Variants in GLIS3 observed in about 807,000 individuals in gnomAD.
The protein encoded by GLIS3 is zinc finger protein GLIS3.
In GLIS3, 53 loss-of-function variants were observed where a neutral mutation model predicts 78.6. The observed-to-expected ratio is 0.67, with a 90% CI of 0.54 to 0.85. GLIS3 has a LOEUF of 0.85. Among genes scored for constraint, GLIS3 ranks in the 40% least tolerant of loss-of-function variants. The pLI, the probability that GLIS3 is intolerant of heterozygous loss-of-function variation, is 0.00. For missense variants in GLIS3, 1,703 were observed against 1,231.1 expected (o/e 1.38, Z -5.74); for synonymous variants, 684 against 509.9 (o/e 1.34, Z -4.60).
intron 6 of GLIS3, among the ~76,000 whole-genome samples, chr9:3,910,790 C>A (rs1411891427): frequency 6.6e-6 from 1 of 152,194 alleles, no homozygotes; most frequent in African/African-American, 2.4e-5. Context: ...ATCTTGGCTA[C>A]TTTGAGAACT....
chr9:4,047,136 C>G (rs1825316506), intron 4 of GLIS3, among the ~76,000 whole-genome samples: 1 of 152,172 alleles, frequency 6.6e-6, no homozygotes, highest in South Asian at 2.1e-4. Context: ...TTCCCCCATG[C>G]TGTTCTTGTG....
intron 4 of GLIS3, among the ~76,000 whole-genome samples, chr9:3,949,729 G>T (rs1461220351): frequency 6.6e-6 from 1 of 152,058 alleles, no homozygotes; most frequent in Non-Finnish European, 1.5e-5. Flanking sequence ...TGTCTTTTTT[G>T]GAAAAATAAT....
intron 2 of GLIS3, among the ~76,000 whole-genome samples, chr9:4,243,398 GCA>G (rs33922569): frequency 5.3e-5 from 8 of 150,898 alleles, no homozygotes; most frequent in Non-Finnish European, 1.2e-4. Context: ...ACACATACAC[GCA>G]CACACACACA....
At chr9:4,433,660 T>C in the GLIS3 span, among the ~76,000 whole-genome samples, 1 of 152,228 alleles carries the variant, frequency 6.6e-6, no homozygotes, top group Non-Finnish European at 1.5e-5. Context: ...TCTAGATCCC[T>C]AAAAAGAACT....
chr9:4,438,329 T>C, the GLIS3 span, among the ~76,000 whole-genome samples: 109 of 152,338 alleles, frequency 7.2e-4, 1 homozygote, highest in Non-Finnish European at 1.2e-3. Flanking sequence ...ATCGCAGATA[T>C]AGCTAAAATG....
chr9:4,203,362 C>G (rs1012920445), intron 2 of GLIS3, among the ~76,000 whole-genome samples: 3 of 152,116 alleles, frequency 2.0e-5, no homozygotes, highest in African/African-American at 7.2e-5. Context: ...AAAGGGAATG[C>G]TTATATGCTG....
intron 4 of GLIS3, among the ~76,000 whole-genome samples, chr9:3,989,907 A>G (rs991153844): frequency 1.3e-5 from 2 of 152,220 alleles, no homozygotes; most frequent in Non-Finnish European, 2.9e-5. Flanking sequence ...GGAAGCCTGA[A>G]TAGGTCATGA....
At chr9:4,411,924 C>T in the GLIS3 span, among the ~76,000 whole-genome samples, 521 of 152,270 alleles carry the variant, frequency 3.4e-3, 7 homozygotes, top group Middle Eastern at 0.014. Context: ...CATGTATGGT[C>T]CTAACTAGTT....
At chr9:3,967,607 C>T (rs1435689889) in intron 4 of GLIS3, among the ~76,000 whole-genome samples, 2 of 152,184 alleles carry the variant, frequency 1.3e-5, no homozygotes, top group African/African-American at 4.8e-5. Flanking sequence ...CAACACAGGA[C>T]ACATGCCTGA....
chr9:4,271,249 A>C (rs1826480992), intron 2 of GLIS3, among the ~76,000 whole-genome samples: 1 of 152,236 alleles, frequency 6.6e-6, no homozygotes, highest in African/African-American at 2.4e-5. Context: ...TTGTCAGCAC[A>C]CAGTATACAA....
At chr9:4,210,421 T>C (rs915587774) in intron 2 of GLIS3, among the ~76,000 whole-genome samples, 2 of 152,202 alleles carry the variant, frequency 1.3e-5, no homozygotes, top group Non-Finnish European at 2.9e-5. Flanking sequence ...TGGGAAAGCA[T>C]TTGAATTGCC....
At chr9:4,050,839 G>A (rs1467553986) in intron 4 of GLIS3, among the ~76,000 whole-genome samples, 7 of 152,152 alleles carry the variant, frequency 4.6e-5, no homozygotes, top group Non-Finnish European at 7.4e-5. Context: ...CATCAGAGAT[G>A]GGCCTCCACG....
chr9:4,161,409 A>T (rs1835464756), intron 2 of GLIS3, among the ~76,000 whole-genome samples: 2 of 152,206 alleles, frequency 1.3e-5, no homozygotes, highest in East Asian at 3.9e-4. Context: ...GAATAAAAAG[A>T]ATGTTTATAC....
At chr9:4,264,452 T>C (rs1347376819) in intron 2 of GLIS3, among the ~76,000 whole-genome samples, 1 of 152,230 alleles carries the variant, frequency 6.6e-6, no homozygotes, top group East Asian at 1.9e-4. Flanking sequence ...AAATGTAAGT[T>C]ACATCATGTT....
At chr9:4,278,750 GT>G (rs1297939183) in intron 2 of GLIS3, among the ~76,000 whole-genome samples, 1 of 152,156 alleles carries the variant, frequency 6.6e-6, no homozygotes, top group Non-Finnish European at 1.5e-5. Flanking sequence ...TTCGCACAAG[GT>G]TACTTATACA....
the GLIS3 span, among the ~76,000 whole-genome samples, chr9:4,484,976 G>A: frequency 7.4e-6 from 1 of 135,402 alleles, no homozygotes; most frequent in Non-Finnish European, 1.6e-5. Context: ...CATCATTATT[G>A]TAGAACCTAA....
At chr9:4,319,159 T>C (rs1219638363) in intron 2 of GLIS3, among the ~76,000 whole-genome samples, 1 of 152,184 alleles carries the variant, frequency 6.6e-6, no homozygotes, top group Non-Finnish European at 1.5e-5. Flanking sequence ...GGATTCTGAA[T>C]GAGAAAAAAA....
At chr9:3,939,794 A>G (rs1413680624) in intron 4 of GLIS3, among the ~76,000 whole-genome samples, 1 of 152,218 alleles carries the variant, frequency 6.6e-6, no homozygotes, top group African/African-American at 2.4e-5. Context: ...TCATGTAGTC[A>G]GGGGCTCATA....
At chr9:3,913,738 G>A (rs1157092489) in intron 6 of GLIS3, among the ~76,000 whole-genome samples, 2 of 152,012 alleles carry the variant, frequency 1.3e-5, no homozygotes, top group Non-Finnish European at 2.9e-5. Flanking sequence ...GTTAGCACTC[G>A]TGATTTTCTA....
Sources: gnomAD v4.1 joint callset for allele counts (sites outside exome capture counted in the v4.1 genomes callset) on GRCh38, gnomAD v4.1.1 for gene constraint, MANE v1.5 for transcripts, NCBI Gene and HGNC (gene_info 2026-07-23, HGNC 2026-07-21) for gene names.